COMMD10: variants seen among roughly 807,000 people sequenced by gnomAD.
The protein encoded by COMMD10 is COMM domain-containing protein 10.
Under a neutral mutation model 28.9 loss-of-function variants are expected in COMMD10, and 33 were observed. That is an observed-to-expected ratio of 1.14 (90% CI 0.87 to 1.53). The LOEUF (loss-of-function observed/expected upper bound fraction) is 1.53, where lower values mean the gene tolerates loss of function less well. Among genes scored for constraint, COMMD10 ranks in the 40% most tolerant of loss-of-function variants. COMMD10 has a pLI of 0.00. For missense variants in COMMD10, 310 were observed against 233.4 expected (o/e 1.33, Z -2.14); for synonymous variants, 110 against 81.7 (o/e 1.35, Z -1.87).
intron 5 of COMMD10, among the ~76,000 whole-genome samples, chr5:116,134,826 T>C (rs1751978485): frequency 1.3e-5 from 2 of 152,104 alleles, no homozygotes; most frequent in South Asian, 4.1e-4. Context: ...TTTCACCGTG[T>C]TAGCCAGGAT....
rs529747889 is a variant in COMMD10, at chr5:116,170,582, A to G, written c.510+36404A>G. Among the ~76,000 whole-genome samples, 17 of 152,282 alleles carry G rather than the reference A, an allele frequency of 1.1e-4. No homozygotes were observed. In the East Asian group the frequency reaches 3.3e-3, roughly 29 times the overall value. ...GAGGCATCACACTACCTAACTTAAA[A>G]CTATACTACAAGGCTACAGTAACCA... On this transcript the variant is annotated intron_variant, in intron 5 of 6. Coordinates refer to ENST00000274458, the MANE Select transcript of COMMD10 (RefSeq NM_016144.4).
At chr5:116,130,982 A>G (rs1168272611) in intron 4 of COMMD10, among the ~76,000 whole-genome samples, 1 of 151,986 alleles carries the variant, frequency 6.6e-6, no homozygotes, top group Non-Finnish European at 1.5e-5. Flanking sequence ...TCCAAAGACA[A>G]TTTATAATAT....
At chr5:116,182,944 C>T (rs1454889697) in intron 5 of COMMD10, among the ~76,000 whole-genome samples, 1 of 152,120 alleles carries the variant, frequency 6.6e-6, no homozygotes, top group South Asian at 2.1e-4. Context: ...CCTGCTTGCA[C>T]TCACTCCATC....
intron 5 of COMMD10, among the ~76,000 whole-genome samples, chr5:116,272,199 T>C (rs1199679391): frequency 6.6e-6 from 1 of 151,892 alleles, no homozygotes; most frequent in Non-Finnish European, 1.5e-5. Flanking sequence ...TTTAGCCATG[T>C]CAGTGCAGTC....
rs114990314 is a variant in COMMD10, at chr5:116,241,362, A to T, written c.511-50155A>T. Among the ~76,000 whole-genome samples, 445 of 152,304 alleles carry T rather than the reference A, an allele frequency of 2.9e-3. 3 individuals carry two copies. The highest frequency in any genetic ancestry group is 0.01 in the African/African-American group (427 of 41,578). On this transcript the variant is annotated intron_variant, in intron 5 of 6. Transcript: ENST00000274458. Reference sequence around the variant, plus strand: ...TATTTCAGCCTAAGAACTTTTTTAAAGTAAATGGCAAGCCCCAAATACCTA... The same window carrying T: ...TATTTCAGCCTAAGAACTTTTTTAATGTAAATGGCAAGCCCCAAATACCTA...
intron 5 of COMMD10, among the ~76,000 whole-genome samples, chr5:116,244,624 C>T (rs1201015506): frequency 7.1e-5 from 10 of 141,766 alleles, no homozygotes; most frequent in Admixed American, 2.2e-4. Flanking sequence ...TGCTACTATA[C>T]CATTACCACT....
At chr5:116,240,016 G>A (rs1440510835) in intron 5 of COMMD10, among the ~76,000 whole-genome samples, 5 of 152,066 alleles carry the variant, frequency 3.3e-5, no homozygotes, top group South Asian at 2.1e-4. Context: ...ATAAGATAAC[G>A]ACACCCTTGA....
At chr5:116,198,901 A>G (rs1229054069) in intron 5 of COMMD10, among the ~76,000 whole-genome samples, 1 of 152,194 alleles carries the variant, frequency 6.6e-6, no homozygotes, top group African/African-American at 2.4e-5. Flanking sequence ...CTAAGTATAA[A>G]TAAAGCTGCT....
At chr5:116,243,047 C>T (rs1210323822) in intron 5 of COMMD10, among the ~76,000 whole-genome samples, 2 of 151,560 alleles carry the variant, frequency 1.3e-5, no homozygotes, top group Non-Finnish European at 2.9e-5. Flanking sequence ...TAAATAATAC[C>T]CTGGACAGGA....
At chr5:116,191,442 G>T (rs1420353884) in intron 5 of COMMD10, among the ~76,000 whole-genome samples, 1 of 151,832 alleles carries the variant, frequency 6.6e-6, no homozygotes, top group African/African-American at 2.4e-5. Context: ...CAGACTTGGG[G>T]CTCTTGTGGG....
intron 5 of COMMD10, among the ~76,000 whole-genome samples, chr5:116,176,431 C>A (rs973714377): frequency 6.6e-6 from 1 of 152,164 alleles, no homozygotes; most frequent in Non-Finnish European, 1.5e-5. Context: ...ATTCACTGTT[C>A]TGCTTTAGGC....
At position 116,160,906 on chromosome 5, in the gene COMMD10, G is replaced by A. The variant is rs10056927; in HGVS notation, c.510+26728G>A. 2.6e-4 allele frequency among the ~76,000 whole-genome samples: 40 copies of A among 151,878 alleles called. 1 individual carries two copies. The East Asian group carries it at 6.8e-3, about 26-fold the overall frequency. On this transcript the variant is annotated intron_variant, in intron 5 of 6. Coordinates refer to ENST00000274458, the MANE Select transcript of COMMD10 (RefSeq NM_016144.4). ...CCAGTTGGTGAACCTGTGCTATTCT[G>A]TGTTGAAAATATTGGTATGAGGCTT...
intron 5 of COMMD10, among the ~76,000 whole-genome samples, chr5:116,222,492 T>C (rs1749286537): frequency 6.6e-6 from 1 of 152,142 alleles, no homozygotes; most frequent in Non-Finnish European, 1.5e-5. Flanking sequence ...AGTGGGAATA[T>C]GATTTTAGAA....
At chr5:116,241,760 C>T (rs1330182580) in intron 5 of COMMD10, among the ~76,000 whole-genome samples, 2 of 151,928 alleles carry the variant, frequency 1.3e-5, no homozygotes, top group African/African-American at 4.8e-5. Flanking sequence ...CTACAGGCGC[C>T]CGCCACCACG....
chr5:116,157,992 G>C (rs1361951332), intron 5 of COMMD10, among the ~76,000 whole-genome samples: 1 of 150,988 alleles, frequency 6.6e-6, no homozygotes, highest in East Asian at 2.0e-4. Context: ...TGAAAGGGAA[G>C]GGGAGGTGTG....
intron 4 of COMMD10, among the ~76,000 whole-genome samples, chr5:116,133,169 A>T (rs1262430210): frequency 6.6e-6 from 1 of 152,184 alleles, no homozygotes; most frequent in Non-Finnish European, 1.5e-5. Context: ...TCTCAGAGGC[A>T]TATGACAATT....
chr5:116,250,263 G>A (rs1184381683), intron 5 of COMMD10, among the ~76,000 whole-genome samples: 2 of 151,698 alleles, frequency 1.3e-5, no homozygotes, highest in Non-Finnish European at 2.9e-5. Flanking sequence ...TTCACTAGAT[G>A]GATTGGTTTT....
At chr5:116,162,329 C>T (rs1243910252) in intron 5 of COMMD10, among the ~76,000 whole-genome samples, 2 of 151,140 alleles carry the variant, frequency 1.3e-5, no homozygotes, top group Non-Finnish European at 2.9e-5. Context: ...AAATTACAAG[C>T]ATGCACCTTA....
intron 5 of COMMD10, among the ~76,000 whole-genome samples, chr5:116,278,578 C>G (rs868182375): frequency 6.6e-6 from 1 of 151,784 alleles, no homozygotes; most frequent in African/African-American, 2.4e-5. Flanking sequence ...GTCAAGTGAC[C>G]TAATAGCCAA....
Sources: gnomAD v4.1 joint callset for allele counts (sites outside exome capture counted in the v4.1 genomes callset) on GRCh38, gnomAD v4.1.1 for gene constraint, MANE v1.5 for transcripts, NCBI Gene and HGNC (gene_info 2026-07-23, HGNC 2026-07-21) for gene names.